GPATCH11: variants seen among roughly 807,000 people sequenced by gnomAD.
The protein encoded by GPATCH11 is G patch domain-containing protein 11.
In GPATCH11, 32 loss-of-function variants were observed where a neutral mutation model predicts 44.8. The observed-to-expected ratio is 0.71, with a 90% CI of 0.54 to 0.96. The LOEUF (loss-of-function observed/expected upper bound fraction) is 0.96. Among genes scored for constraint, GPATCH11 ranks in the 40% least tolerant of loss-of-function variants. GPATCH11 has a pLI of 0.00. For missense variants in GPATCH11, 324 were observed against 303.1 expected (o/e 1.07, Z -0.51); for synonymous variants, 84 against 94.4 (o/e 0.89, Z 0.64).
chr2:37,085,159 G>C (rs986782230), intron 1 of GPATCH11, among the ~76,000 whole-genome samples: 1 of 152,180 alleles, frequency 6.6e-6, no homozygotes. Flanking sequence ...AATAGAAAGA[G>C]AGCTTTAAAA....
At chr2:37,094,433 A>G in intron 7 of GPATCH11, 1 of 331,026 alleles carries the variant, frequency 3.0e-6, no homozygotes, top group Non-Finnish European at 5.6e-6. Context: ...GAGGTACTGC[A>G]TTGCAGGATT....
chr2:37,092,370 GTAT>G (rs1304860799), intron 6 of GPATCH11, 115 bp downstream of exon 6: 5 of 185,824 alleles, frequency 2.7e-5, no homozygotes, highest in Admixed American at 6.6e-5. Flanking sequence ...ATTTATATAT[GTAT>G]TATATGTTTA....
At chr2:37,088,526 A>AT in intron 2 of GPATCH11, 86 bp downstream of exon 2, 3 of 734,588 alleles carry the variant, frequency 4.1e-6, no homozygotes, top group South Asian at 2.1e-5. Context: ...ATTTTATTTT[A>AT]TTTTTTTGAG....
intron 1 of GPATCH11, among the ~76,000 whole-genome samples, chr2:37,085,942 C>T (rs1673008794): frequency 6.6e-6 from 1 of 152,210 alleles, no homozygotes; most frequent in African/African-American, 2.4e-5. Context: ...TTTGTGCTGG[C>T]TTTTAATAGG....
Position 37,098,806 on chromosome 2 carries a change from G to C in GPATCH11, c.*2543G>C, listed in dbSNP as rs946561016. The C allele has an allele frequency of 1.1e-4, 16 of 152,184 alleles. No homozygotes were observed. The highest frequency in any genetic ancestry group is 2.9e-4 in the African/African-American group (12 of 41,414). 9.4% of individuals were successfully genotyped at this position (152,184 alleles called of 1,614,324 possible). On this transcript the variant is annotated 3_prime_UTR_variant, in exon 9 of 9. Coordinates refer to ENST00000674370, the MANE Select transcript of GPATCH11 (RefSeq NM_174931.4). ...GCATGCCTTTGGTCCCAGCTACTCA[G>C]GGGGCTGAGATGGGGAATCCTTTGA...
chr2:37,087,509 T>G (rs765850686), intron 1 of GPATCH11, among the ~76,000 whole-genome samples: 1 of 152,198 alleles, frequency 6.6e-6, no homozygotes, highest in Non-Finnish European at 1.5e-5. Flanking sequence ...GTTTGAGAAG[T>G]ACTTTTGTAG....
chr2:37,094,801 C>G (rs764280026), intron 7 of GPATCH11, among the ~76,000 whole-genome samples: 10 of 152,002 alleles, frequency 6.6e-5, no homozygotes, highest in Non-Finnish European at 1.3e-4. Flanking sequence ...AAAAATTAGC[C>G]AGGTGTGGGG....
intron 7 of GPATCH11, chr2:37,094,431 G>A (rs771163500): frequency 8.9e-6 from 3 of 338,546 alleles, no homozygotes; most frequent in Non-Finnish European, 1.6e-5. Flanking sequence ...GAGAGGTACT[G>A]CATTGCAGGA....
chr2:37,085,655 G>T (rs961375545), intron 1 of GPATCH11, among the ~76,000 whole-genome samples: 1 of 152,172 alleles, frequency 6.6e-6, no homozygotes, highest in East Asian at 1.9e-4. Context: ...ACTGGATAGG[G>T]GACAAAGAGG....
At position 37,089,697 on chromosome 2, in the gene GPATCH11, A is replaced by T; in HGVS notation, c.117A>T (p.Lys39Asn). 1 of 1,551,852 alleles carries T rather than the reference A, an allele frequency of 6.4e-7. No homozygotes were observed. The highest frequency in any genetic ancestry group is 8.7e-7 in the Non-Finnish European group (1 of 1,147,028). Reference protein sequence around the residue: ...MLRQIREARRKEEKQQEANLK... With the variant: ...MLRQIREARRNEEKQQEANLK... ...GGCAAATCCGAGAAGCCCGTCGAAA[A>T]GAAGAAAAGCAACAGGAAGCCAATT... Residue 39 changes from lysine (K) to asparagine (N), a missense_variant, in exon 3 of 9, where the codon AAA becomes AAT. Physicochemically the swap from Lys to Asn is moderately conservative, Grantham distance 94 (BLOSUM62 0). Transcript: ENST00000674370.
Position 37,088,400 on chromosome 2 carries a change from G to T in GPATCH11, c.19G>T (p.Glu7Ter). 1 of 1,573,626 alleles carries T rather than the reference G, an allele frequency of 6.4e-7. No individual in the cohort carries two copies. Among genetic ancestry groups the T allele is most frequent in the Non-Finnish European group, 8.7e-7 (1 of 1,150,138 alleles). Reference protein sequence around the residue: MKLNMAEEEDYMSDSFI... With the variant: MKLNMA Reference sequence around the variant, plus strand: ...TAGCCATATGAAGTTGAACATGGCAGAAGAAGAGGACTATATGTCTGATTC... The same window carrying T: ...TAGCCATATGAAGTTGAACATGGCATAAGAAGAGGACTATATGTCTGATTC... The change falls in exon 2 of 9, where the codon GAA becomes TAA. Residue 7 changes from glutamate (E) to a stop codon, truncating the protein, a stop_gained. Coordinates refer to ENST00000674370, the MANE Select transcript of GPATCH11 (RefSeq NM_174931.4). LOFTEE classifies it high-confidence loss of function.
chr2:37,092,449 A>G (rs1354149027), intron 6 of GPATCH11, among the ~76,000 whole-genome samples, 194 bp downstream of exon 6: 1 of 143,716 alleles, frequency 7.0e-6, no homozygotes, highest in African/African-American at 2.5e-5. Flanking sequence ...TGTCTTATAT[A>G]TTATATATAT....
rs1673674122 is a variant in GPATCH11, at chr2:37,098,039, T to C, written c.*1776T>C. 6.6e-6 allele frequency: 1 copy of C among 152,036 alleles called. No individual in the cohort carries two copies. The allele number at this position is 152,036 out of a possible 1,614,324, so 9.4% of individuals were successfully genotyped here. A position where few individuals can be genotyped will look rare whatever the true frequency, so the allele number is the denominator to read the frequency against. The stretch of plus-strand genomic sequence containing the variant: ...TTTTGTTTTTAAAAAAATTATAAAA[T>C]TGGCTGAGCGCAGTGGTTCACTCCT... On this transcript the variant is annotated 3_prime_UTR_variant, in exon 9 of 9. Coordinates refer to ENST00000674370, the MANE Select transcript of GPATCH11 (RefSeq NM_174931.4).
At chr2:37,096,000 A>G (rs535670209) in intron 8 of GPATCH11, among the ~76,000 whole-genome samples, 1 of 152,246 alleles carries the variant, frequency 6.6e-6, no homozygotes, top group South Asian at 2.1e-4. Flanking sequence ...TCCTTCTAAC[A>G]CCTTTGCCCA....
intron 6 of GPATCH11, among the ~76,000 whole-genome samples, chr2:37,093,737 A>C (rs533735312): frequency 6.6e-6 from 1 of 152,074 alleles, no homozygotes; most frequent in African/African-American, 2.4e-5. Flanking sequence ...GCTCACTGCA[A>C]CCTCCACCTC....
intron 2 of GPATCH11, among the ~76,000 whole-genome samples, chr2:37,088,642 G>A (rs529433248): frequency 4.6e-5 from 7 of 152,132 alleles, no homozygotes; most frequent in South Asian, 2.1e-4. Flanking sequence ...TTGGCCTCCC[G>A]AGTAGTTGGG....
At chr2:37,094,262 G>C in intron 7 of GPATCH11, 67 bp downstream of exon 7, 1 of 958,368 alleles carries the variant, frequency 1.0e-6, no homozygotes, top group East Asian at 2.7e-5. Flanking sequence ...TTGAGTTGTG[G>C]TAATCCGTTG....
chr2:37,093,828 T>C (rs1673443235), intron 6 of GPATCH11, among the ~76,000 whole-genome samples: 1 of 152,156 alleles, frequency 6.6e-6, no homozygotes, highest in South Asian at 2.1e-4. Flanking sequence ...AGCTAATTTT[T>C]GTATTTTTAG....
chr2:37,089,028 A>G (rs895257957), intron 2 of GPATCH11, among the ~76,000 whole-genome samples: 1 of 152,170 alleles, frequency 6.6e-6, no homozygotes, highest in Non-Finnish European at 1.5e-5. Context: ...TCTAGCTGCT[A>G]TACAACTTTG....
Sources: allele counts gnomAD v4.1 joint callset (sites outside exome capture counted in the v4.1 genomes callset), GRCh38; gene constraint gnomAD v4.1.1; transcripts MANE v1.5; gene names NCBI Gene and HGNC (gene_info 2026-07-23, HGNC 2026-07-21).